RASSF3: variants seen among roughly 807,000 people sequenced by gnomAD.
RASSF3 encodes ras association domain-containing protein 3.
In RASSF3, 19 loss-of-function variants were observed where a neutral mutation model predicts 19.9. That is an observed-to-expected ratio of 0.96 (90% CI 0.67 to 1.40). RASSF3 has a LOEUF of 1.40. Ranked by LOEUF, RASSF3 falls within the 40% of genes most tolerant of loss-of-function variation. The pLI, the probability that RASSF3 is intolerant of heterozygous loss-of-function variation, is 0.00. For missense variants in RASSF3, 306 were observed against 289.8 expected (o/e 1.06, Z -0.41); for synonymous variants, 110 against 104.2 (o/e 1.06, Z -0.34).
chr12:64,521,798 A>G (rs1882267), intron 1 of RASSF3, among the ~76,000 whole-genome samples: 42,997 of 152,074 alleles, frequency 0.28, 6,934 homozygotes, highest in Middle Eastern at 0.41. Context: ...TCAGGAGCTC[A>G]AAGAGGGTAA....
upstream of RASSF3, among the ~76,000 whole-genome samples, chr12:64,532,970 C>T (rs533529590): frequency 4.6e-5 from 7 of 152,294 alleles, no homozygotes; most frequent in Admixed American, 1.3e-4. Context: ...GGTCCAGAGG[C>T]CTTAACCACC....
chr12:64,532,795 C>T (rs1332302240), upstream of RASSF3, among the ~76,000 whole-genome samples: 2 of 151,862 alleles, frequency 1.3e-5, no homozygotes, highest in East Asian at 1.9e-4. Flanking sequence ...AGTCATGCCA[C>T]TCTACTCCAG....
chr12:64,657,784 T>C (rs191012588), intron 1 of RASSF3, among the ~76,000 whole-genome samples: 37 of 152,356 alleles, frequency 2.4e-4, no homozygotes, highest in Non-Finnish European at 5.0e-4. Context: ...TGAAAAATAT[T>C]GTCAGGGCCA....
At chr12:64,584,911 G>C (rs945944191) in intron 2 of RASSF3, among the ~76,000 whole-genome samples, 5 of 84,050 alleles carry the variant, frequency 5.9e-5, no homozygotes, top group African/African-American at 1.2e-4. Context: ...TTGAGACAGA[G>C]TTTTTTGCTC....
intron 1 of RASSF3, among the ~76,000 whole-genome samples, chr12:64,614,133 C>CTTTTTTTT (rs578071131): frequency 7.7e-6 from 1 of 130,054 alleles, no homozygotes; most frequent in African/African-American, 2.9e-5. Flanking sequence ...TTTACCATTT[C>CTTTTTTTT]TTTTTTTTTT....
At chr12:64,682,841 T>G (rs1279567992) in intron 1 of RASSF3, among the ~76,000 whole-genome samples, 1 of 152,236 alleles carries the variant, frequency 6.6e-6, no homozygotes, top group Non-Finnish European at 1.5e-5. Flanking sequence ...AGGCTTTATT[T>G]TGCAGGAGTA....
chr12:64,636,515 G>C (rs1871334723), intron 1 of RASSF3, among the ~76,000 whole-genome samples: 4 of 152,110 alleles, frequency 2.6e-5, no homozygotes, highest in Admixed American at 2.6e-4. Flanking sequence ...GTATATTGCT[G>C]CATGCTTGTT....
intron 1 of RASSF3, among the ~76,000 whole-genome samples, chr12:64,670,309 T>C (rs898337989): frequency 6.6e-6 from 1 of 152,100 alleles, no homozygotes; most frequent in Admixed American, 6.5e-5. Context: ...GTGTTTATTT[T>C]TATTTCCAAG....
chr12:64,643,433 T>C (rs1871615928), intron 1 of RASSF3, among the ~76,000 whole-genome samples: 1 of 152,074 alleles, frequency 6.6e-6, no homozygotes. Context: ...CATGGGAGAC[T>C]AAGGCAGAAC....
chr12:64,653,709 C>A (rs1872046169), intron 1 of RASSF3, among the ~76,000 whole-genome samples: 1 of 151,976 alleles, frequency 6.6e-6, no homozygotes, highest in Non-Finnish European at 1.5e-5. Flanking sequence ...CTGGCACTCC[C>A]ATGTCAATTA....
At chr12:64,543,465 CA>C (rs1868987824), downstream of RASSF3, among the ~76,000 whole-genome samples, 4 of 93,146 alleles carry the variant, frequency 4.3e-5, no homozygotes, top group Non-Finnish European at 9.2e-5. Flanking sequence ...CCCCGCTCCC[CA>C]CCCGCCTGCC....
chr12:64,660,820 T>C (rs1378599730), intron 1 of RASSF3, among the ~76,000 whole-genome samples: 1 of 152,186 alleles, frequency 6.6e-6, no homozygotes, highest in Middle Eastern at 3.2e-3. Flanking sequence ...TCGTGCTTAG[T>C]AGTCCTTTCC....
chr12:64,620,977 C>T (rs1443139628), intron 1 of RASSF3, among the ~76,000 whole-genome samples: 1 of 151,958 alleles, frequency 6.6e-6, no homozygotes, highest in Non-Finnish European at 1.5e-5. Context: ...TACTCGTCAC[C>T]CAGGCTGGAG....
At chr12:64,543,573 G>A (rs1868993867), downstream of RASSF3, among the ~76,000 whole-genome samples, 1 of 78,796 alleles carries the variant, frequency 1.3e-5, no homozygotes, top group South Asian at 4.9e-4. Context: ...GAGCCTCCCC[G>A]ACAAGCCCCA....
At chr12:64,545,851 C>G (rs952703306), downstream of RASSF3, among the ~76,000 whole-genome samples, 1 of 152,094 alleles carries the variant, frequency 6.6e-6, no homozygotes, top group Non-Finnish European at 1.5e-5. Context: ...ACATTCCTGC[C>G]TGGGTGACAG....
chr12:64,511,655 ATCACTT>A (rs1217315801), intron 1 of RASSF3, among the ~76,000 whole-genome samples: 1 of 152,208 alleles, frequency 6.6e-6, no homozygotes. Flanking sequence ...TGGTAAGGAC[ATCACTT>A]TCACAGCCTA....
At chr12:64,529,640 CTGGACCCAGCCATACCTGAA>C (rs1868663529), upstream of RASSF3, among the ~76,000 whole-genome samples, 1 of 152,148 alleles carries the variant, frequency 6.6e-6, no homozygotes, top group Admixed American at 6.5e-5. Context: ...GTTTGAGTTC[CTGGACCCAGCCATACCTGAA>C]TGTAGTCTAT....
At chr12:64,549,122 A>G (rs1207015135) in intron 2 of RASSF3, among the ~76,000 whole-genome samples, 1 of 152,220 alleles carries the variant, frequency 6.6e-6, no homozygotes, top group African/African-American at 2.4e-5. Flanking sequence ...AGGTGTTAGA[A>G]GAGATACTGG....
intron 2 of RASSF3, among the ~76,000 whole-genome samples, chr12:64,687,577 C>T (rs1391666531): frequency 2.0e-5 from 3 of 151,124 alleles, no homozygotes; most frequent in East Asian, 1.9e-4. Context: ...TGGTTTCAAG[C>T]GATTGAATTT....
Sources: allele counts gnomAD v4.1 joint callset (sites outside exome capture counted in the v4.1 genomes callset), GRCh38; gene constraint gnomAD v4.1.1; transcripts MANE v1.5; gene names NCBI Gene and HGNC (gene_info 2026-07-23, HGNC 2026-07-21).